MINDY4: variants seen among roughly 807,000 people sequenced by gnomAD.
The protein encoded by MINDY4 is probable ubiquitin carboxyl-terminal hydrolase MINDY-4.
MINDY4 carries 68 observed loss-of-function variants against 87.0 expected under a neutral mutation model. The observed-to-expected ratio is 0.78, with a 90% CI of 0.64 to 0.96. The LOEUF (loss-of-function observed/expected upper bound fraction) is 0.96. Among genes scored for constraint, MINDY4 ranks in the 40% least tolerant of loss-of-function variants. The pLI is 0.00. For missense variants in MINDY4, 919 were observed against 928.2 expected (o/e 0.99, Z 0.13); for synonymous variants, 379 against 363.2 (o/e 1.04, Z -0.50).
At chr7:30,795,173 A>G (rs1189914454) in intron 5 of MINDY4, among the ~76,000 whole-genome samples, 1 of 152,146 alleles carries the variant, frequency 6.6e-6, no homozygotes, top group Non-Finnish European at 1.5e-5. Flanking sequence ...AGATGGCCAC[A>G]TGGACACTCC....
Position 30,875,474 on chromosome 7 carries a change from TC to T in MINDY4, c.1810-17del, listed in dbSNP as rs1562563381. The T allele has an allele frequency of 1.2e-6, 2 of 1,613,794 alleles. No individual in the cohort carries two copies. Among genetic ancestry groups the T allele is most frequent in the Non-Finnish European group, 8.5e-7 (1 of 1,179,734 alleles). ...AACTGATTCAGACTTGATGAGTCTT[TC>T]CCCTTTCTCTCATCTGCAGGAACTT... On this transcript the variant is annotated intron_variant, in intron 14 of 17. Transcript: ENST00000265299.
chr7:30,814,814 C>CA (rs1365687174), intron 5 of MINDY4, among the ~76,000 whole-genome samples: 1 of 152,154 alleles, frequency 6.6e-6, no homozygotes, highest in African/African-American at 2.4e-5. Context: ...TAAATGAACC[C>CA]AAATCTTTCT....
At chr7:30,787,231 G>A (rs1787182564) in intron 4 of MINDY4, among the ~76,000 whole-genome samples, 1 of 152,178 alleles carries the variant, frequency 6.6e-6, no homozygotes, top group Non-Finnish European at 1.5e-5. Flanking sequence ...TTGGGGTCCA[G>A]ATCAAGGAAG....
At chr7:30,830,649 A>C (rs1240576549) in intron 6 of MINDY4, among the ~76,000 whole-genome samples, 1 of 152,190 alleles carries the variant, frequency 6.6e-6, no homozygotes, top group Non-Finnish European at 1.5e-5. Context: ...AACCGCCCCC[A>C]TGATTCAATT....
At chr7:30,840,683 TG>T in intron 8 of MINDY4, 76 bp from the exon 9 acceptor site, 2 of 1,321,560 alleles carry the variant, frequency 1.5e-6, no homozygotes, top group South Asian at 2.5e-5. Context: ...AGGTGGGTTC[TG>T]GGGTGGGTTT....
chr7:30,853,496 A>C (rs764922269), intron 12 of MINDY4, 37 bp downstream of exon 12: 3 of 1,524,012 alleles, frequency 2.0e-6, no homozygotes, highest in East Asian at 2.3e-5. Context: ...GATGTGCGTC[A>C]CTAAGCCTTC....
intron 6 of MINDY4, among the ~76,000 whole-genome samples, chr7:30,831,889 C>T (rs1396693586): frequency 6.6e-6 from 1 of 152,224 alleles, no homozygotes; most frequent in African/African-American, 2.4e-5. Flanking sequence ...CCCCTTGCTT[C>T]TTTTCAATTC....
At chr7:30,822,225 T>C (rs1437453724) in intron 5 of MINDY4, among the ~76,000 whole-genome samples, 1 of 152,010 alleles carries the variant, frequency 6.6e-6, no homozygotes, top group African/African-American at 2.4e-5. Flanking sequence ...ACACCCAGAC[T>C]GGAGTGCAGT....
chr7:30,804,221 C>G (rs749334582), intron 5 of MINDY4, among the ~76,000 whole-genome samples: 34 of 152,176 alleles, frequency 2.2e-4, no homozygotes, highest in Non-Finnish European at 4.1e-4. Context: ...TGGCTAGATT[C>G]CATGTGTGTG....
intron 6 of MINDY4, among the ~76,000 whole-genome samples, chr7:30,832,391 C>T (rs1464709735): frequency 6.6e-6 from 1 of 152,252 alleles, no homozygotes; most frequent in African/African-American, 2.4e-5. Flanking sequence ...GCCCCTTTGT[C>T]TGGGGCCTCA....
At chr7:30,840,518 T>C (rs1788997821) in intron 8 of MINDY4, among the ~76,000 whole-genome samples, 1 of 152,290 alleles carries the variant, frequency 6.6e-6, no homozygotes, top group East Asian at 1.9e-4. Flanking sequence ...GGAGTCACTT[T>C]CCTCCCATGA....
At chr7:30,888,584 A>G (rs1050225728) in intron 17 of MINDY4, among the ~76,000 whole-genome samples, 5 of 152,166 alleles carry the variant, frequency 3.3e-5, no homozygotes, top group Admixed American at 3.3e-4. Context: ...TGTTGGTTGC[A>G]TATGCAGAGC....
intron 3 of MINDY4, 55 bp downstream of exon 3, chr7:30,782,267 A>G: frequency 3.0e-6 from 4 of 1,351,568 alleles, no homozygotes; most frequent in African/African-American, 1.5e-5. Context: ...ATAACAAATT[A>G]CTATGTACTT....
intron 13 of MINDY4, among the ~76,000 whole-genome samples, chr7:30,870,299 G>A (rs765624043): frequency 1.3e-5 from 2 of 152,274 alleles, no homozygotes; most frequent in Admixed American, 6.5e-5. Context: ...GATGCTTATC[G>A]GCCCCCCCTC....
At chr7:30,850,625 T>A in intron 10 of MINDY4, 70 bp downstream of exon 10, 2 of 1,376,456 alleles carry the variant, frequency 1.5e-6, no homozygotes, top group Non-Finnish European at 1.0e-6. Context: ...GCTGGCTGTG[T>A]ATGCTCCTAT....
chr7:30,872,216 G>A (rs755877740), intron 13 of MINDY4, 27 bp from the exon 14 acceptor site: 1 of 1,613,484 alleles, frequency 6.2e-7, no homozygotes, highest in South Asian at 1.1e-5. Flanking sequence ...GCAGAGCTGT[G>A]CTAACAATGC....
At chr7:30,834,282 C>A (rs539277235) in intron 6 of MINDY4, among the ~76,000 whole-genome samples, 1 of 152,366 alleles carries the variant, frequency 6.6e-6, no homozygotes, top group South Asian at 2.1e-4. Context: ...AACCTCAATT[C>A]TTGACTTCTG....
chr7:30,813,044 G>A (rs1004153587), intron 5 of MINDY4, among the ~76,000 whole-genome samples: 1 of 152,202 alleles, frequency 6.6e-6, no homozygotes, highest in African/African-American at 2.4e-5. Flanking sequence ...GTAGGTACCT[G>A]CACATCTGTT....
At position 30,791,337 on chromosome 7, in the gene MINDY4, C is replaced by T. The variant is rs767264500; in HGVS notation, c.836C>T (p.Thr279Ile). The change falls in exon 5 of 18, where the codon ACC (threonine) becomes ATC (isoleucine). Residue 279 changes from threonine (T) to isoleucine (I), a missense_variant. By Grantham distance (89) the Thr-to-Ile change is moderately conservative (BLOSUM62 -1). Coordinates refer to ENST00000265299, the MANE Select transcript of MINDY4 (RefSeq NM_032222.3). Reference protein sequence around the residue: ...RTSLGQLSELTVERQKTTASS... With the variant: ...RTSLGQLSELIVERQKTTASS... Reference sequence around the variant, plus strand: ...TCCCTGGGTCAGCTTAGTGAACTGACCGTAGAAAGGCAGAAAACCACTGCC... The same window carrying T: ...TCCCTGGGTCAGCTTAGTGAACTGATCGTAGAAAGGCAGAAAACCACTGCC... The T allele has an allele frequency of 1.2e-6, 2 of 1,614,160 alleles. No homozygotes were observed. Among genetic ancestry groups the T allele is most frequent in the Admixed American group, 1.7e-5 (1 of 60,008 alleles).
Sources: gnomAD v4.1 joint callset for allele counts (sites outside exome capture counted in the v4.1 genomes callset) on GRCh38, gnomAD v4.1.1 for gene constraint, MANE v1.5 for transcripts, NCBI Gene and HGNC (gene_info 2026-07-23, HGNC 2026-07-21) for gene names.